The following ST6GALNAC5 variants were observed in gnomAD, a reference collection of about 807,000 sequenced individuals.
ST6GALNAC5 encodes alpha-N-acetylgalactosaminide alpha-2,6-sialyltransferase 5.
ST6GALNAC5 carries 27 observed loss-of-function variants against 33.6 expected under a neutral mutation model. That is an observed-to-expected ratio of 0.80 (90% CI 0.59 to 1.11). The LOEUF (loss-of-function observed/expected upper bound fraction) is 1.11, where lower values mean the gene tolerates loss of function less well. Ranked by LOEUF, ST6GALNAC5 falls within the 50% of genes least tolerant of loss-of-function variation. ST6GALNAC5 has a pLI of 0.00. For missense variants in ST6GALNAC5, 428 were observed against 454.0 expected (o/e 0.94, Z 0.52); for synonymous variants, 194 against 171.2 (o/e 1.13, Z -1.04).
intron 2 of ST6GALNAC5, among the ~76,000 whole-genome samples, chr1:76,955,414 G>A (rs1472706704): frequency 1.3e-5 from 2 of 151,390 alleles, no homozygotes; most frequent in Admixed American, 6.6e-5. Context: ...CAAAAGGTGA[G>A]GGTAAATTCA....
At chr1:76,912,908 G>A (rs941867395) in intron 2 of ST6GALNAC5, among the ~76,000 whole-genome samples, 6 of 151,284 alleles carry the variant, frequency 4.0e-5, no homozygotes, top group African/African-American at 1.5e-4. Flanking sequence ...GGAGCATTTA[G>A]TCCATTTACA....
intron 2 of ST6GALNAC5, among the ~76,000 whole-genome samples, chr1:76,897,004 T>C (rs1432126379): frequency 6.6e-6 from 1 of 151,646 alleles, no homozygotes; most frequent in Non-Finnish European, 1.5e-5. Flanking sequence ...TTGTAAGGGA[T>C]TGAGGTTTAG....
At chr1:76,879,596 T>C (rs1653731319) in intron 2 of ST6GALNAC5, among the ~76,000 whole-genome samples, 1 of 152,154 alleles carries the variant, frequency 6.6e-6, no homozygotes, top group Admixed American at 6.5e-5. Flanking sequence ...ACAGGGGTGT[T>C]GGGGTGGCTC....
chr1:76,890,977 T>C (rs1654000941), intron 2 of ST6GALNAC5, among the ~76,000 whole-genome samples: 2 of 152,212 alleles, frequency 1.3e-5, no homozygotes, highest in Admixed American at 6.5e-5. Flanking sequence ...TCTCATATCA[T>C]TAAATATAAA....
intron 2 of ST6GALNAC5, among the ~76,000 whole-genome samples, chr1:76,948,709 C>T (rs934335136): frequency 4.6e-5 from 7 of 151,946 alleles, no homozygotes; most frequent in Non-Finnish European, 8.8e-5. Context: ...ACTTTCCTTC[C>T]TCCCACATAA....
At chr1:77,018,239 C>T (rs888981461) in intron 2 of ST6GALNAC5, among the ~76,000 whole-genome samples, 4 of 152,176 alleles carry the variant, frequency 2.6e-5, no homozygotes, top group Non-Finnish European at 4.4e-5. Flanking sequence ...CTCACCATCA[C>T]GATACCCCCA....
At chr1:76,990,223 G>A (rs2100394536) in intron 2 of ST6GALNAC5, among the ~76,000 whole-genome samples, 1 of 152,136 alleles carries the variant, frequency 6.6e-6, no homozygotes, top group South Asian at 2.1e-4. Flanking sequence ...CCAAAAAGAC[G>A]GTGCTTCTGA....
chr1:77,028,540 T>C (rs1370777946), intron 2 of ST6GALNAC5, among the ~76,000 whole-genome samples: 1 of 152,268 alleles, frequency 6.6e-6, no homozygotes, highest in Admixed American at 6.5e-5. Context: ...TTATTGAGTG[T>C]CTTTTATATT....
Position 76,871,879 on chromosome 1 carries a change from C to T in ST6GALNAC5, c.261+3137C>T, listed in dbSNP as rs570035435. ...AGACCAATTCCCACAAATGTTCCAC[C>T]AACTCATTTCCATCGTGTTACATGT... is the stretch of plus-strand genomic sequence containing the variant. On this transcript the variant is annotated intron_variant, in intron 2 of 4. Coordinates refer to ENST00000477717, the MANE Select transcript of ST6GALNAC5 (RefSeq NM_030965.3). Among the ~76,000 whole-genome samples the T allele has an allele frequency of 2.0e-5, 3 of 152,144 alleles. No homozygotes were observed. The South Asian group carries it at 6.2e-4, about 32-fold the overall frequency.
rs571279218 is a variant in ST6GALNAC5 at position 76,870,474 on chromosome 1, G to A, written c.261+1732G>A. On this transcript the variant is annotated intron_variant, in intron 2 of 4. Transcript: ENST00000477717. ...ACTTTTCTTCCTGTGTTCTTCTGCT[G>A]GACAGACACCAGCTAAGAATATTGA... Among the ~76,000 whole-genome samples the A allele has an allele frequency of 2.0e-5, 3 of 152,264 alleles. No individual in the cohort carries two copies. In the South Asian group the frequency reaches 6.2e-4, roughly 32 times the overall value.
intron 2 of ST6GALNAC5, among the ~76,000 whole-genome samples, chr1:76,964,600 A>G (rs1347918215): frequency 1.3e-5 from 2 of 152,012 alleles, no homozygotes; most frequent in Non-Finnish European, 2.9e-5. Flanking sequence ...GTAGGATAAT[A>G]CAGTAACTAT....
intron 2 of ST6GALNAC5, among the ~76,000 whole-genome samples, chr1:76,970,271 A>T (rs1327441216): frequency 6.6e-6 from 1 of 152,010 alleles, no homozygotes; most frequent in Non-Finnish European, 1.5e-5. Flanking sequence ...CTAAAGGAGG[A>T]TGTTCGAATC....
chr1:76,983,238 C>G (rs987324999), intron 2 of ST6GALNAC5, among the ~76,000 whole-genome samples: 13 of 152,072 alleles, frequency 8.5e-5, no homozygotes, highest in Non-Finnish European at 1.2e-4. Flanking sequence ...AGAGTCAAGA[C>G]CCATCAGTGT....
chr1:76,913,462 G>A (rs1403815043), intron 2 of ST6GALNAC5, among the ~76,000 whole-genome samples: 2 of 151,932 alleles, frequency 1.3e-5, no homozygotes, highest in Non-Finnish European at 2.9e-5. Flanking sequence ...CTGAATGTTG[G>A]CCTGCCTTGC....
intron 2 of ST6GALNAC5, among the ~76,000 whole-genome samples, chr1:77,041,599 A>G (rs1444834096): frequency 6.6e-6 from 1 of 152,106 alleles, no homozygotes; most frequent in Non-Finnish European, 1.5e-5. Context: ...TTTTTTGGCC[A>G]CTGAAATTGC....
intron 2 of ST6GALNAC5, among the ~76,000 whole-genome samples, chr1:76,878,914 G>A (rs771450279): frequency 6.6e-6 from 1 of 152,120 alleles, no homozygotes. Context: ...GTCCATTAAG[G>A]TAGCTATGCC....
chr1:77,029,869 T>C (rs148285195), intron 2 of ST6GALNAC5, among the ~76,000 whole-genome samples: 49 of 152,354 alleles, frequency 3.2e-4, no homozygotes, highest in African/African-American at 1.1e-3. Flanking sequence ...ATTGATTTTA[T>C]ACTTTCCTAC....
chr1:76,881,291 C>T (rs1653774482), intron 2 of ST6GALNAC5, among the ~76,000 whole-genome samples: 1 of 152,288 alleles, frequency 6.6e-6, no homozygotes, highest in Non-Finnish European at 1.5e-5. Flanking sequence ...GTCTTAAACA[C>T]TTAGTCTGGG....
At chr1:76,963,350 A>G (rs1648322421) in intron 2 of ST6GALNAC5, among the ~76,000 whole-genome samples, 1 of 152,206 alleles carries the variant, frequency 6.6e-6, no homozygotes, top group Admixed American at 6.5e-5. Context: ...CTGTGCAGTT[A>G]CAACCATTGC....
Sources: gnomAD v4.1 joint callset for allele counts (sites outside exome capture counted in the v4.1 genomes callset) on GRCh38, gnomAD v4.1.1 for gene constraint, MANE v1.5 for transcripts, NCBI Gene and HGNC (gene_info 2026-07-23, HGNC 2026-07-21) for gene names.